ANO3: variants seen among roughly 807,000 people sequenced by gnomAD.
The protein encoded by ANO3 is anoctamin-3.
ANO3 carries 99 observed loss-of-function variants against 144.8 expected under a neutral mutation model. That is an observed-to-expected ratio of 0.68 (90% CI 0.58 to 0.81). ANO3 has a LOEUF of 0.81. ANO3 is among the 30% of genes least tolerant of loss of function. ANO3 has a pLI of 0.00. For synonymous variants in ANO3, 414 were observed against 392.6 expected (o/e 1.05, Z -0.64); for missense variants, 905 against 1,202.2 (o/e 0.75, Z 3.66).
At chr11:26,335,879 G>A (rs1458219945) in intron 1 of ANO3, among the ~76,000 whole-genome samples, 1 of 152,160 alleles carries the variant, frequency 6.6e-6, no homozygotes, top group African/African-American at 2.4e-5. Flanking sequence ...TTGTGTTTAT[G>A]AAGAAGATAT....
chr11:26,527,516 A>G (rs905632786), intron 7 of ANO3, among the ~76,000 whole-genome samples: 4 of 152,148 alleles, frequency 2.6e-5, no homozygotes, highest in African/African-American at 9.6e-5. Context: ...AACTGAAAAA[A>G]ATTACAAAAT....
intron 1 of ANO3, 95 bp downstream of exon 1, chr11:26,332,416 G>C (rs926294519): frequency 8.5e-7 from 1 of 1,181,834 alleles, no homozygotes; most frequent in Non-Finnish European, 1.3e-6. Context: ...AGGCTTATGC[G>C]ACACAGAGGT....
At chr11:26,509,320 C>A (rs187140389) in intron 5 of ANO3, among the ~76,000 whole-genome samples, 2 of 150,730 alleles carry the variant, frequency 1.3e-5, no homozygotes, top group African/African-American at 4.9e-5. Flanking sequence ...TACTTTTTTT[C>A]TTTTTTTTTC....
intron 1 of ANO3, among the ~76,000 whole-genome samples, chr11:26,439,581 C>CTAA (rs1331950779): frequency 6.6e-6 from 1 of 152,112 alleles, no homozygotes; most frequent in East Asian, 1.9e-4. Context: ...CTAAAAAGAG[C>CTAA]TAAACTGTAT....
At chr11:26,338,718 C>T (rs1295869168) in intron 1 of ANO3, among the ~76,000 whole-genome samples, 4 of 151,480 alleles carry the variant, frequency 2.6e-5, no homozygotes, top group African/African-American at 9.7e-5. Flanking sequence ...GAAACAACTC[C>T]AGACGTGCCA....
chr11:26,565,444 T>G, intron 14 of ANO3: 1 of 1,613,384 alleles, frequency 6.2e-7, no homozygotes, highest in East Asian at 2.2e-5. Context: ...GGTGTAGCAT[T>G]GGGATGTGCT....
chr11:26,509,943 A>T (rs183636945), intron 5 of ANO3, among the ~76,000 whole-genome samples: 3,352 of 151,984 alleles, frequency 0.022, 64 homozygotes, highest in Non-Finnish European at 0.035. Flanking sequence ...AAAGATCAAG[A>T]TCATCCTGGC....
intron 24 of ANO3, among the ~76,000 whole-genome samples, chr11:26,655,090 G>A (rs530885351): frequency 5.3e-5 from 8 of 152,200 alleles, no homozygotes; most frequent in Admixed American, 4.6e-4. Context: ...TCTCTTAAGT[G>A]CTGTGACACT....
At chr11:26,327,791 ACAAT>A (rs1211221452), upstream of ANO3, among the ~76,000 whole-genome samples, 4 of 152,248 alleles carry the variant, frequency 2.6e-5, no homozygotes, top group Non-Finnish European at 4.4e-5. Flanking sequence ...TGCAATCACT[ACAAT>A]CAAGGCAACA....
At chr11:26,534,628 T>C in intron 9 of ANO3, 66 bp downstream of exon 9, 1 of 1,128,468 alleles carries the variant, frequency 8.9e-7, no homozygotes, top group Admixed American at 1.8e-5. Context: ...ATTATTGTTT[T>C]TTTTAACAGC....
chr11:26,438,353 A>G (rs1474019032), intron 1 of ANO3, among the ~76,000 whole-genome samples: 3 of 152,038 alleles, frequency 2.0e-5, no homozygotes, highest in African/African-American at 4.8e-5. Flanking sequence ...AGATAATGAA[A>G]ATATAGGCTA....
In ANO3 at chr11:26,531,297, A is replaced by G. The variant is rs1849364662; in HGVS notation, c.830A>G (p.Asp277Gly). The G allele has an allele frequency of 2.5e-6, 4 of 1,613,916 alleles. No individual in the cohort carries two copies. The highest frequency in any genetic ancestry group is 3.4e-6 in the Non-Finnish European group (4 of 1,179,924). The change falls in exon 8 of 27, where the codon GAC (aspartate) becomes GGC (glycine). Residue 277 changes from aspartate to glycine, a missense_variant. By Grantham distance (94) the Asp-to-Gly change is moderately conservative (BLOSUM62 -1). Transcript: ENST00000256737. ...GCTTTTCCAGACCTAGAGGAGTCAGACTGCTATACTGGCCCCTTCAGCCGT... is the reference window on the plus strand; with the variant it reads ...GCTTTTCCAGACCTAGAGGAGTCAGGCTGCTATACTGGCCCCTTCAGCCGT... The part of the protein sequence containing the change: ...KSAFPDLEES[D>G]CYTGPFSRAR...
At chr11:26,580,378 T>C (rs1393536051) in intron 14 of ANO3, among the ~76,000 whole-genome samples, 1 of 152,210 alleles carries the variant, frequency 6.6e-6, no homozygotes, top group African/African-American at 2.4e-5. Context: ...ACTGGCAGTA[T>C]TACGTACATT....
chr11:26,527,377 C>T (rs919457202), intron 7 of ANO3, among the ~76,000 whole-genome samples: 7 of 152,034 alleles, frequency 4.6e-5, no homozygotes, highest in Admixed American at 4.6e-4. Context: ...ATATCTTGAA[C>T]CTTACTCTAG....
intron 14 of ANO3, among the ~76,000 whole-genome samples, chr11:26,574,756 T>C (rs1565117624): frequency 2.0e-5 from 3 of 152,136 alleles, no homozygotes; most frequent in Non-Finnish European, 2.9e-5. Context: ...CTCTGGTAAG[T>C]AATATGGTGC....
chr11:26,533,553 A>T (rs762475271), intron 8 of ANO3, among the ~76,000 whole-genome samples: 1 of 152,116 alleles, frequency 6.6e-6, no homozygotes, highest in Non-Finnish European at 1.5e-5. Flanking sequence ...TGATGCTTGT[A>T]GAGGAAAGCT....
Position 26,549,262 on chromosome 11 carries a change from G to A in ANO3, c.1289+1712G>A, listed in dbSNP as rs141181027. Among the ~76,000 whole-genome samples the A allele has an allele frequency of 8.7e-4, 132 of 151,978 alleles. 1 individual carries two copies. Among genetic ancestry groups the A allele is most frequent in the Admixed American group, 2.2e-3 (34 of 15,226 alleles). On this transcript the variant is annotated intron_variant, in intron 12 of 26. Coordinates refer to ENST00000256737, the MANE Select transcript of ANO3 (RefSeq NM_031418.4). ...TAAACTCTTTTCTTCAGTGTTGTATGGCATTATATTACTCCCACTTCTGTC... is the reference window on the plus strand; with the variant it reads ...TAAACTCTTTTCTTCAGTGTTGTATAGCATTATATTACTCCCACTTCTGTC...
Position 26,332,176 on chromosome 11 carries a change from C to T in ANO3, c.-100C>T, listed in dbSNP as rs765703818. ...AGCAGGTGTCGGATTGCAGTGCGCT[C>T]GCTGAGGCTCCGGACCTTGGAGCGT... is the stretch of plus-strand genomic sequence containing the variant. On this transcript the variant is annotated 5_prime_UTR_variant, in exon 1 of 27. Transcript: ENST00000256737. 3.1e-6 allele frequency: 5 copies of T among 1,605,576 alleles called. No homozygotes were observed. Among genetic ancestry groups the T allele is most frequent in the South Asian group, 1.1e-5 (1 of 90,106 alleles).
intron 1 of ANO3, among the ~76,000 whole-genome samples, chr11:26,214,379 G>A (rs910754846): frequency 6.6e-6 from 1 of 151,810 alleles, no homozygotes; most frequent in Non-Finnish European, 1.5e-5. Flanking sequence ...TTCCAATGGA[G>A]AACTGTTAAG....
Sources: gnomAD v4.1 joint callset for allele counts (sites outside exome capture counted in the v4.1 genomes callset) on GRCh38, gnomAD v4.1.1 for gene constraint, MANE v1.5 for transcripts, NCBI Gene and HGNC (gene_info 2026-07-23, HGNC 2026-07-21) for gene names.